SLC6A17: variants seen among roughly 807,000 people sequenced by gnomAD.
SLC6A17 encodes solute carrier family 6 member 17.
Under a neutral mutation model 64.5 loss-of-function variants are expected in SLC6A17, and 21 were observed. That is an observed-to-expected ratio of 0.33 (90% CI 0.23 to 0.47). The LOEUF (loss-of-function observed/expected upper bound fraction) is 0.47. SLC6A17 is among the 20% of genes least tolerant of loss of function. The pLI is 1.00. For synonymous variants in SLC6A17, 372 were observed against 399.5 expected (o/e 0.93, Z 0.82); for missense variants, 682 against 963.2 (o/e 0.71, Z 3.86).
chr1:110,200,024 C>G lies in SLC6A17; in HGVS notation c.*1580C>G, dbSNP rs2100957489. ...GGGAGAAAGGAGGGAATACTGGCTC[C>G]ATCTTTGAGAGCTCTGGTGGGCAGG... On this transcript the variant is annotated 3_prime_UTR_variant, in exon 12 of 12. Coordinates refer to ENST00000331565, the MANE Select transcript of SLC6A17 (RefSeq NM_001010898.4). The G allele has an allele frequency of 2.5e-6, 1 of 398,334 alleles. No individual in the cohort carries two copies. Among genetic ancestry groups the G allele is most frequent in the South Asian group, 1.3e-4 (1 of 7,850 alleles). The allele number at this position is 398,334 out of a possible 1,614,324, so 24.7% of individuals were successfully genotyped here.
chr1:110,194,144 C>T (rs915902912), intron 8 of SLC6A17, among the ~76,000 whole-genome samples: 5 of 152,304 alleles, frequency 3.3e-5, no homozygotes, highest in South Asian at 2.1e-4. Flanking sequence ...CTAAAGGCTC[C>T]GGTGTGCTTC....
At chr1:110,169,907 C>A (rs1656172773) in intron 2 of SLC6A17, among the ~76,000 whole-genome samples, 1 of 152,214 alleles carries the variant, frequency 6.6e-6, no homozygotes, top group African/African-American at 2.4e-5. Context: ...GCCCCCTGAG[C>A]ACTCTGGTTA....
At chr1:110,185,412 G>C (rs1431960330) in intron 6 of SLC6A17, among the ~76,000 whole-genome samples, 3 of 152,262 alleles carry the variant, frequency 2.0e-5, no homozygotes, top group Non-Finnish European at 4.4e-5. Flanking sequence ...GTGCACAGCA[G>C]TGCTGAGAAG....
intron 6 of SLC6A17, among the ~76,000 whole-genome samples, chr1:110,191,014 C>T (rs143857453): frequency 2.0e-4 from 31 of 152,310 alleles, no homozygotes; most frequent in African/African-American, 5.8e-4. Context: ...CCTGTCCTGA[C>T]GAGGTCAGCC....
At chr1:110,193,670 C>T (rs191175760) in intron 8 of SLC6A17, among the ~76,000 whole-genome samples, 40 of 152,306 alleles carry the variant, frequency 2.6e-4, no homozygotes, top group Admixed American at 1.2e-3. Context: ...CCTTTCCCTG[C>T]GGATCAAGAG....
chr1:110,181,090 A>G (rs1459624767), intron 6 of SLC6A17, among the ~76,000 whole-genome samples: 1 of 152,198 alleles, frequency 6.6e-6, no homozygotes, highest in Non-Finnish European at 1.5e-5. Flanking sequence ...TTGACGGCTA[A>G]TGAACTTCTT....
chr1:110,159,458 C>T (rs576399207), intron 1 of SLC6A17, among the ~76,000 whole-genome samples: 1 of 152,228 alleles, frequency 6.6e-6, no homozygotes, highest in South Asian at 2.1e-4. Flanking sequence ...ACAAAGAAAA[C>T]AAGATATTGA....
At chr1:110,195,004 C>T in intron 9 of SLC6A17, 1 of 583,396 alleles carries the variant, frequency 1.7e-6, no homozygotes, top group South Asian at 2.0e-5. Flanking sequence ...GCATCTAGGC[C>T]CCTTTGTTAG....
chr1:110,172,119 C>T lies in SLC6A17; in HGVS notation c.346C>T (p.Leu116=). The part of the protein sequence containing the change: ...LIIIGIPLFF[L]ELAVGQRIRR... Reference sequence around the variant, plus strand: ...CATCATCGGGATCCCCCTCTTCTTCCTGGAGCTGGCTGTGGGTCAGAGGAT... The same window carrying T: ...CATCATCGGGATCCCCCTCTTCTTCTTGGAGCTGGCTGTGGGTCAGAGGAT... The change falls in exon 3 of 12, where the codon CTG becomes TTG. Residue 116 remains leucine, a synonymous_variant. Transcript: ENST00000331565. 1 of 1,614,146 alleles carries T rather than the reference C, an allele frequency of 6.2e-7. No individual in the cohort carries two copies. The highest frequency in any genetic ancestry group is 8.5e-7 in the Non-Finnish European group (1 of 1,180,020).
chr1:110,194,876 G>T, intron 9 of SLC6A17, 105 bp downstream of exon 9: 3 of 1,387,326 alleles, frequency 2.2e-6, no homozygotes, highest in Middle Eastern at 1.8e-4. Flanking sequence ...CACCCAGAAG[G>T]CTCCACCCCA....
chr1:110,173,913 C>A, intron 3 of SLC6A17, 60 bp from the exon 4 acceptor site: 2 of 1,584,868 alleles, frequency 1.3e-6, no homozygotes, highest in Admixed American at 1.8e-5. Context: ...TCGGGTGGAG[C>A]GTGGGGGCAG....
intron 6 of SLC6A17, among the ~76,000 whole-genome samples, chr1:110,186,513 G>A (rs1656688837): frequency 6.6e-6 from 1 of 151,596 alleles, no homozygotes; most frequent in Non-Finnish European, 1.5e-5. Context: ...AAATAGCCAT[G>A]TTTTAGAAAG....
intron 6 of SLC6A17, among the ~76,000 whole-genome samples, chr1:110,191,469 GT>G (rs1656822241): frequency 6.6e-6 from 1 of 151,978 alleles, no homozygotes; most frequent in Admixed American, 6.5e-5. Flanking sequence ...GGCGGTTTGG[GT>G]TTTTTTTCCT....
intron 1 of SLC6A17, among the ~76,000 whole-genome samples, chr1:110,153,870 C>T (rs2101835438): frequency 6.6e-6 from 1 of 151,320 alleles, no homozygotes; most frequent in East Asian, 1.9e-4. Context: ...AGCCAAACAT[C>T]TGGAGCACCA....
chr1:110,185,945 C>T (rs56222851), intron 6 of SLC6A17, among the ~76,000 whole-genome samples: 12 of 152,334 alleles, frequency 7.9e-5, no homozygotes, highest in African/African-American at 2.4e-4. Context: ...CTGCACCAGG[C>T]ACTTTTCTCC....
chr1:110,182,440 TG>T (rs1260864812), intron 6 of SLC6A17, among the ~76,000 whole-genome samples: 1 of 151,814 alleles, frequency 6.6e-6, no homozygotes, highest in Non-Finnish European at 1.5e-5. Context: ...AGGTCAGGTG[TG>T]GAGGTCTACA....
chr1:110,198,019 T>G, intron 11 of SLC6A17, 57 bp from the exon 12 acceptor site: 1 of 1,554,456 alleles, frequency 6.4e-7, no homozygotes, highest in South Asian at 1.2e-5. Context: ...TTGGAGGGCC[T>G]GGGCGGGGAG....
At chr1:110,193,648 C>T (rs1656885635) in intron 8 of SLC6A17, among the ~76,000 whole-genome samples, 1 of 152,176 alleles carries the variant, frequency 6.6e-6, no homozygotes, top group African/African-American at 2.4e-5. Context: ...GAGCTGCATC[C>T]TACACCCCAA....
At position 110,191,996 on chromosome 1, in the gene SLC6A17, G is replaced by T; in HGVS notation, c.889G>T (p.Val297Leu). The T allele has an allele frequency of 6.2e-7, 1 of 1,613,730 alleles. No individual in the cohort carries two copies. The highest frequency in any genetic ancestry group is 8.5e-7 in the Non-Finnish European group (1 of 1,179,626). Residue 297 changes from valine (V) to leucine (L), a missense_variant, in exon 7 of 12, where the codon GTG (valine) becomes TTG (leucine). This residue lies in a region of SLC6A17 where 415 missense variants were observed against 603.8 expected (regional missense o/e 0.69). Transcript: ENST00000331565. ...GCTGGACAAGATGCTGGACCCCCAG[G>T]TGTGGCGGGAGGCAGCTACCCAGGT... The part of the protein sequence containing the change: ...PKLDKMLDPQ[V>L]WREAATQVFF...
Sources: allele counts gnomAD v4.1 joint callset (sites outside exome capture counted in the v4.1 genomes callset), GRCh38; gene constraint gnomAD v4.1.1; regional missense constraint gnomAD v4.1.1; transcripts MANE v1.5; gene names NCBI Gene and HGNC (gene_info 2026-07-23, HGNC 2026-07-21).